Variants in PAX3 observed in about 807,000 individuals in gnomAD.
The protein encoded by PAX3 is paired box 3.
PAX3 carries 14 observed loss-of-function variants against 51.6 expected under a neutral mutation model. The ratio of observed to expected loss-of-function variants is 0.27; its 90% CI spans 0.18 to 0.42. The LOEUF (loss-of-function observed/expected upper bound fraction) is 0.42. PAX3 is among the 10% of genes least tolerant of loss of function. The pLI is 1.00. For missense variants in PAX3, 540 were observed against 642.8 expected (o/e 0.84, Z 1.73); for synonymous variants, 280 against 253.4 (o/e 1.11, Z -1.00).
intron 7 of PAX3, among the ~76,000 whole-genome samples, chr2:222,216,936 G>C (rs1343615712): frequency 6.6e-6 from 1 of 152,064 alleles, no homozygotes; most frequent in Non-Finnish European, 1.5e-5. Flanking sequence ...AGCTCCACCA[G>C]AGAGATCTAC....
At chr2:222,242,188 GT>G (rs1216438472) in intron 4 of PAX3, among the ~76,000 whole-genome samples, 1 of 151,872 alleles carries the variant, frequency 6.6e-6, no homozygotes, top group African/African-American at 2.4e-5. Context: ...TTGAAACCAC[GT>G]TTTTTTTGAT....
At chr2:222,280,814 T>A (rs1694620970) in intron 4 of PAX3, among the ~76,000 whole-genome samples, 1 of 152,218 alleles carries the variant, frequency 6.6e-6, no homozygotes, top group South Asian at 2.1e-4. Flanking sequence ...ATTGCCTGTA[T>A]AATGGGGACT....
chr2:222,233,856 A>G (rs540183911), intron 4 of PAX3, among the ~76,000 whole-genome samples: 1 of 152,294 alleles, frequency 6.6e-6, no homozygotes, highest in African/African-American at 2.4e-5. Context: ...AAAATTGTAG[A>G]TTATTAATGT....
intron 4 of PAX3, among the ~76,000 whole-genome samples, chr2:222,279,306 T>C (rs1176430062): frequency 6.8e-6 from 1 of 147,702 alleles, no homozygotes; most frequent in Non-Finnish European, 1.5e-5. Flanking sequence ...AGCCTGTGCG[T>C]GTGTGTGTGT....
At chr2:222,209,766 C>T (rs1055257433) in intron 7 of PAX3, among the ~76,000 whole-genome samples, 1 of 142,556 alleles carries the variant, frequency 7.0e-6, no homozygotes, top group Non-Finnish European at 1.5e-5. Context: ...GTGGCATGCA[C>T]CTTTAGTCCC....
intron 4 of PAX3, among the ~76,000 whole-genome samples, chr2:222,285,433 A>G (rs1356517266): frequency 6.6e-6 from 1 of 152,242 alleles, no homozygotes; most frequent in Non-Finnish European, 1.5e-5. Context: ...TGCCGACACT[A>G]GAGTTTGCCA....
chr2:222,251,140 C>A (rs938264857), intron 4 of PAX3, among the ~76,000 whole-genome samples: 1 of 151,934 alleles, frequency 6.6e-6, no homozygotes, highest in Non-Finnish European at 1.5e-5. Flanking sequence ...TTTTAGGGTA[C>A]ATGTGCACAA....
At chr2:222,234,061 G>A (rs1294590102) in intron 4 of PAX3, among the ~76,000 whole-genome samples, 1 of 151,830 alleles carries the variant, frequency 6.6e-6, no homozygotes, top group Non-Finnish European at 1.5e-5. Flanking sequence ...GCCCCAAATG[G>A]TACACATCCA....
At chr2:222,235,646 A>G (rs557517041) in intron 4 of PAX3, among the ~76,000 whole-genome samples, 153 of 152,308 alleles carry the variant, frequency 1.0e-3, no homozygotes, top group Admixed American at 1.4e-3. Flanking sequence ...CCTGTCAAAC[A>G]GGAATGCAGG....
Position 222,220,313 on chromosome 2 carries a change from G to C in PAX3, c.1000C>G (p.Leu334Val). 1 of 1,614,094 alleles carries C rather than the reference G, an allele frequency of 6.2e-7. No individual in the cohort carries two copies. Among genetic ancestry groups the C allele is most frequent in the Non-Finnish European group, 8.5e-7 (1 of 1,179,962 alleles). The change falls in exon 7 of 9, where the codon CTT becomes GTT. Residue 334 changes from leucine to valine, a missense_variant. Transcript: ENST00000392070. The stretch of plus-strand genomic sequence containing the variant: ...CTTTGGTGTACAGTGCTTGGAGGAA[G>C]CGGTTGAGGTCTGTGAACGGTGCTG... ...PSSTVHRPQP[L>V]PPSTVHQSTI...
Position 222,298,945 on chromosome 2 carries a change from G to A in PAX3, c.-330C>T, listed in dbSNP as rs763731361. 6 of 477,330 alleles carry A rather than the reference G, an allele frequency of 1.3e-5. No individual in the cohort carries two copies. The highest frequency in any genetic ancestry group is 2.3e-5 in the Non-Finnish European group (6 of 261,860). 29.6% of individuals were successfully genotyped at this position (477,330 alleles called of 1,614,324 possible). A position where few individuals can be genotyped will look rare whatever the true frequency, so the allele number is the denominator to read the frequency against. On this transcript the variant is annotated 5_prime_UTR_variant, in exon 1 of 9. Transcript: ENST00000392070. ...AGAGCCACGGCGAGCCGGGGAGCCTGGTGAGGCTGGAGCGCGGCCTGCCTG... is the reference window on the plus strand; with the variant it reads ...AGAGCCACGGCGAGCCGGGGAGCCTAGTGAGGCTGGAGCGCGGCCTGCCTG...
intron 7 of PAX3, among the ~76,000 whole-genome samples, chr2:222,203,488 TA>T (rs1340384879): frequency 6.6e-6 from 1 of 151,962 alleles, no homozygotes; most frequent in Non-Finnish European, 1.5e-5. Flanking sequence ...CTACAGAGAT[TA>T]AAGTGTGCAA....
intron 7 of PAX3, among the ~76,000 whole-genome samples, chr2:222,205,852 T>C (rs1410758179): frequency 2.0e-5 from 3 of 152,306 alleles, no homozygotes; most frequent in Non-Finnish European, 4.4e-5. Flanking sequence ...ATTTTGCGTT[T>C]CATGTGGTTC....
intron 4 of PAX3, among the ~76,000 whole-genome samples, chr2:222,268,929 C>A (rs1694152906): frequency 6.6e-6 from 1 of 152,162 alleles, no homozygotes; most frequent in African/African-American, 2.4e-5. Context: ...CCTCCTACTC[C>A]TTTATGTATA....
intron 4 of PAX3, among the ~76,000 whole-genome samples, chr2:222,233,505 C>G (rs529077157): frequency 9.2e-5 from 14 of 152,266 alleles, no homozygotes; most frequent in African/African-American, 3.4e-4. Context: ...CAGGCATTTT[C>G]CCTGTTTCTG....
rs1691249924 is a variant in PAX3 at position 222,200,478 on chromosome 2, G to A, written c.*930C>T. On this transcript the variant is annotated 3_prime_UTR_variant, in exon 9 of 9. Coordinates refer to ENST00000392070, the MANE Select transcript of PAX3 (RefSeq NM_181458.4). Reference sequence around the variant, plus strand: ...CTGCACTCTATCACTATGAATTATGGGCTGTGAAAATAAAAGCACCTGCAA... The same window carrying A: ...CTGCACTCTATCACTATGAATTATGAGCTGTGAAAATAAAAGCACCTGCAA... 4.3e-6 allele frequency: 1 copy of A among 230,642 alleles called. No individual in the cohort carries two copies. The highest frequency in any genetic ancestry group is 8.6e-6 in the Non-Finnish European group (1 of 116,398). The allele number at this position is 230,642 out of a possible 1,614,324, so 14.3% of individuals were successfully genotyped here. A position where few individuals can be genotyped will look rare whatever the true frequency, so the allele number is the denominator to read the frequency against.
At chr2:222,210,578 G>T (rs932111634) in intron 7 of PAX3, among the ~76,000 whole-genome samples, 3 of 152,032 alleles carry the variant, frequency 2.0e-5, no homozygotes, top group African/African-American at 4.8e-5. Context: ...TGGAATAAAG[G>T]GTTGACTTTA....
intron 5 of PAX3, among the ~76,000 whole-genome samples, chr2:222,231,747 A>G (rs1225084728): frequency 1.3e-5 from 2 of 152,182 alleles, no homozygotes; most frequent in African/African-American, 2.4e-5. Flanking sequence ...AATTCATGTG[A>G]AGCACTTAAA....
intron 4 of PAX3, among the ~76,000 whole-genome samples, chr2:222,271,200 C>A (rs1198901626): frequency 6.6e-6 from 1 of 152,176 alleles, no homozygotes; most frequent in Non-Finnish European, 1.5e-5. Context: ...CAGGACAAAT[C>A]TCTTAACCCC....
Sources: allele counts gnomAD v4.1 joint callset (sites outside exome capture counted in the v4.1 genomes callset), GRCh38; gene constraint gnomAD v4.1.1; transcripts MANE v1.5; gene names NCBI Gene and HGNC (gene_info 2026-07-23, HGNC 2026-07-21).